ABCC8: variants seen among roughly 807,000 people sequenced by gnomAD.
ABCC8 encodes ATP-binding cassette sub-family C member 8.
A neutral mutation model predicts 188.0 loss-of-function variants in ABCC8; 137 were observed. The observed-to-expected ratio is 0.73, with a 90% confidence interval of 0.63 to 0.84. The LOEUF (loss-of-function observed/expected upper bound fraction) is 0.84, where lower values mean the gene tolerates loss of function less well. Among genes scored for constraint, ABCC8 ranks in the 40% least tolerant of loss-of-function variants. The pLI, the probability that ABCC8 is intolerant of heterozygous loss-of-function variation, is 0.00. For synonymous variants in ABCC8, 797 were observed against 846.5 expected (o/e 0.94, Z 1.01); for missense variants, 1,750 against 2,072.7 (o/e 0.84, Z 3.02).
At chr11:17,429,437 C>G (rs1360290089) in intron 12 of ABCC8, 3 of 152,350 alleles carry the variant, frequency 2.0e-5, no homozygotes, top group Non-Finnish European at 4.4e-5. Context: ...CCAGGCTCTG[C>G]CTTCATGCCC....
At chr11:17,406,491 C>A in intron 26 of ABCC8, 131 bp downstream of exon 26, 1 of 1,006,842 alleles carries the variant, frequency 9.9e-7, no homozygotes, top group Non-Finnish European at 1.5e-6. Flanking sequence ...CACTTTTACA[C>A]ACACTGTCTC....
intron 29 of ABCC8, among the ~76,000 whole-genome samples, chr11:17,401,035 C>T (rs1427958607): frequency 6.6e-6 from 1 of 152,234 alleles, no homozygotes; most frequent in Non-Finnish European, 1.5e-5. Flanking sequence ...GTAGCAGTGG[C>T]TCTGGCTGAC....
intron 3 of ABCC8, among the ~76,000 whole-genome samples, chr11:17,466,648 A>C (rs1478961109): frequency 1.2e-5 from 1 of 80,896 alleles, no homozygotes; most frequent in East Asian, 4.1e-4. Flanking sequence ...ACAGGGTCTC[A>C]CTCTGTTGTC....
At chr11:17,435,348 G>A (rs1956042036) in intron 10 of ABCC8, among the ~76,000 whole-genome samples, 2 of 152,092 alleles carry the variant, frequency 1.3e-5, no homozygotes, top group Admixed American at 1.3e-4. Flanking sequence ...ACTGTCTCAG[G>A]AAGAAGGAGC....
At chr11:17,423,380 G>T (rs77422620) in intron 16 of ABCC8, among the ~76,000 whole-genome samples, 7 of 53,462 alleles carry the variant, frequency 1.3e-4, no homozygotes, top group African/African-American at 4.9e-4. Context: ...AAAAAAAAAA[G>T]CAGGGGCCAC....
At chr11:17,438,537 T>A (rs12417170) in intron 10 of ABCC8, among the ~76,000 whole-genome samples, 58,676 of 152,070 alleles carry the variant, frequency 0.39, 11,407 homozygotes, top group Middle Eastern at 0.54. Flanking sequence ...ACTGGCAGCA[T>A]ATCGAGTGCT....
intron 6 of ABCC8, among the ~76,000 whole-genome samples, chr11:17,453,881 C>T (rs1956901521): frequency 6.6e-6 from 1 of 152,146 alleles, no homozygotes; most frequent in Admixed American, 6.5e-5. Flanking sequence ...ATTTAAGGTT[C>T]TCTTGTGTAC....
chr11:17,392,672 A>C, downstream of ABCC8: 1 of 397,146 alleles, frequency 2.5e-6, no homozygotes, highest in South Asian at 2.1e-5. Flanking sequence ...CCCAGACTTC[A>C]GCCTCCAGAA....
At chr11:17,429,449 G>A (rs868495903) in intron 12 of ABCC8, 4 of 152,306 alleles carry the variant, frequency 2.6e-5, no homozygotes, top group African/African-American at 9.7e-5. Flanking sequence ...TTCATGCCCT[G>A]TCCAGCCTCC....
At chr11:17,476,544 G>A (rs927877960) in intron 1 of ABCC8, 85 bp downstream of exon 1, 2 of 1,519,868 alleles carry the variant, frequency 1.3e-6, no homozygotes, top group Admixed American at 2.0e-5. Context: ...GCCGGAAGGG[G>A]ACGCCGAGCG....
In ABCC8 at chr11:17,475,128, G is replaced by C. The variant is rs1006034596; in HGVS notation, c.149-101C>G. 3.9e-6 allele frequency: 6 copies of C among 1,528,874 alleles called. No individual in the cohort carries two copies. The African/African-American group carries it at 4.1e-5, about 10-fold the overall frequency. The allele number at this position is 1,528,874 out of a possible 1,614,324, so 94.7% of individuals were successfully genotyped here. On this transcript the variant is annotated intron_variant, in intron 1 of 38. Transcript: ENST00000389817. ...TGCTTGGGCATTGGGTCCATGGTGA[G>C]GGTGACACCTACACATGAGGATCCC...
chr11:17,454,067 A>G lies in ABCC8; in HGVS notation c.1012-784T>C, dbSNP rs113308421. Among the ~76,000 whole-genome samples, 594 of 152,330 alleles carry G rather than the reference A, an allele frequency of 3.9e-3. 3 individuals are homozygous for G. Among genetic ancestry groups the G allele is most frequent in the African/African-American group, 0.013 (560 of 41,580 alleles). On this transcript the variant is annotated intron_variant, in intron 6 of 38. Transcript: ENST00000389817. ...CCAGCAGAGCCACATCAATATTTCC[A>G]TGAAGACAGATCTCTGCTCTTTCTC...
chr11:17,426,191 G>T (rs1478666743), intron 16 of ABCC8, among the ~76,000 whole-genome samples: 1 of 152,116 alleles, frequency 6.6e-6, no homozygotes, highest in Non-Finnish European at 1.5e-5. Flanking sequence ...AATCCTTTGG[G>T]TATATACCCA....
chr11:17,422,897 G>A (rs1395798370), intron 16 of ABCC8, among the ~76,000 whole-genome samples: 2 of 151,946 alleles, frequency 1.3e-5, no homozygotes, highest in South Asian at 2.1e-4. Context: ...CATCACCCCT[G>A]CCTGGACCAC....
Position 17,442,823 on chromosome 11 carries a change from C to T in ABCC8, c.1527G>A (p.Leu509=), listed in dbSNP as rs765924728. ...AGATGTTCTCCCAGGCGTACAGCTTCAGCAGCTTGATGCCGCGGAGCATCT... is the reference window on the plus strand; with the variant it reads ...AGATGTTCTCCCAGGCGTACAGCTTTAGCAGCTTGATGCCGCGGAGCATCT... ...TNEMLRGIKL[L]KLYAWENIFR... The change falls in exon 10 of 39, where the codon CTG becomes CTA. Residue 509 remains leucine (L), a synonymous_variant. Coordinates refer to ENST00000389817, the MANE Select transcript of ABCC8 (RefSeq NM_000352.6). 4 of 1,614,136 alleles carry T rather than the reference C, an allele frequency of 2.5e-6. No homozygotes were observed. Among genetic ancestry groups the T allele is most frequent in the East Asian group, 2.2e-5 (1 of 44,874 alleles).
rs758618229 is a variant in ABCC8, at chr11:17,461,591, C to T, written c.814G>A (p.Ala272Thr). The part of the protein sequence containing the change: ...NYQRLCEAFD[A>T]QVRKDIQGTQ... ...GCTGTGCCCCCACTGACCACCTGGGCGTCAAAGGCCTCGCAGAGCCGTTGG... is the reference window on the plus strand; with the variant it reads ...GCTGTGCCCCCACTGACCACCTGGGTGTCAAAGGCCTCGCAGAGCCGTTGG... The change falls in exon 5 of 39, where the codon GCC (alanine) becomes ACC (threonine). Residue 272 changes from alanine to threonine, a missense_variant. Transcript: ENST00000389817. 2.7e-5 allele frequency: 44 copies of T among 1,614,194 alleles called. 1 individual carries two copies. Among genetic ancestry groups the T allele is most frequent in the South Asian group, 2.3e-4 (21 of 91,080 alleles).
chr11:17,412,481 T>G (rs1032526724), intron 21 of ABCC8, among the ~76,000 whole-genome samples, 185 bp downstream of exon 21: 11 of 152,130 alleles, frequency 7.2e-5, no homozygotes, highest in African/African-American at 2.4e-4. Flanking sequence ...AATGGGTCAT[T>G]TGTGCTATCC....
chr11:17,464,673 A>C (rs1307778686), intron 3 of ABCC8, among the ~76,000 whole-genome samples: 3 of 152,234 alleles, frequency 2.0e-5, no homozygotes, highest in Non-Finnish European at 4.4e-5. Flanking sequence ...AGCTATCAGT[A>C]GATTCTATCC....
intron 10 of ABCC8, chr11:17,435,587 TC>T: frequency 7.3e-7 from 1 of 1,367,014 alleles, no homozygotes; most frequent in Non-Finnish European, 1.0e-6. Flanking sequence ...GGAGAACTTT[TC>T]CCAGGCTGGA....
Sources: allele counts gnomAD v4.1 joint callset (sites outside exome capture counted in the v4.1 genomes callset), GRCh38; gene constraint gnomAD v4.1.1; transcripts MANE v1.5; gene names NCBI Gene and HGNC (gene_info 2026-07-23, HGNC 2026-07-21).